The following RBFOX1 variants were observed in gnomAD, a reference collection of about 807,000 sequenced individuals.
RBFOX1 encodes the protein RNA binding fox-1 homolog 1.
RBFOX1 carries 8 observed loss-of-function variants against 57.7 expected under a neutral mutation model. The observed-to-expected ratio is 0.14, with a 90% CI of 0.08 to 0.25. RBFOX1 has a LOEUF of 0.25. Among genes scored for constraint, RBFOX1 ranks in the 10% least tolerant of loss-of-function variants. RBFOX1 has a pLI of 1.00. For synonymous variants in RBFOX1, 326 were observed against 222.4 expected, an observed-to-expected ratio of 1.47 and a Z score of -4.15; for missense variants, 611 against 548.5, an observed-to-expected ratio of 1.11 and a Z score of -1.14.
In RBFOX1 at chr16:6,866,787, C is replaced by G. The variant is rs542284543; in HGVS notation, c.-15-185270C>G. Among the ~76,000 whole-genome samples, 899 of 151,996 alleles carry G rather than the reference C, an allele frequency of 5.9e-3. 6 individuals carry two copies. Among genetic ancestry groups the G allele is most frequent in the Non-Finnish European group, 7.6e-3 (515 of 67,960 alleles). On this transcript the variant is annotated intron_variant, in intron 3 of 15. Transcript: ENST00000550418. ...TCGATCTCCTGACCTCGTGATCTGC[C>G]TGCCTTGGCCTCCCAAACTGCTGGG...
chr16:5,605,080 G>A (rs949607054), downstream of RBFOX1, among the ~76,000 whole-genome samples: 7 of 152,192 alleles, frequency 4.6e-5, 1 homozygote, highest in South Asian at 2.1e-4. Context: ...CAGGTTTGAC[G>A]CCAGTTTGAG....
intron 1 of RBFOX1, among the ~76,000 whole-genome samples, chr16:6,248,366 G>A (rs1567769311): frequency 6.6e-6 from 1 of 152,142 alleles, no homozygotes; most frequent in Non-Finnish European, 1.5e-5. Context: ...TTCACAGCCT[G>A]TCTCCCGGTG....
chr16:6,584,042 A>G (rs983774132), intron 2 of RBFOX1, among the ~76,000 whole-genome samples: 2 of 151,708 alleles, frequency 1.3e-5, no homozygotes, highest in Non-Finnish European at 2.9e-5. Context: ...ATTCCTTAGT[A>G]GAAGGTTCTT....
chr16:5,748,629 C>A (rs1304878494), intron 3 of RBFOX1, among the ~76,000 whole-genome samples: 1 of 152,132 alleles, frequency 6.6e-6, no homozygotes, highest in Non-Finnish European at 1.5e-5. Context: ...TATATAATGG[C>A]CTTCTTTGTC....
At chr16:5,439,645 T>C (rs895386519) in intron 1 of RBFOX1, among the ~76,000 whole-genome samples, 23 of 152,018 alleles carry the variant, frequency 1.5e-4, no homozygotes, top group Non-Finnish European at 1.5e-4. Flanking sequence ...TGTCCTTTAA[T>C]GAGATGAGAA....
At chr16:5,314,655 C>G (rs1016639590) in intron 1 of RBFOX1, among the ~76,000 whole-genome samples, 1 of 152,026 alleles carries the variant, frequency 6.6e-6, no homozygotes, top group Non-Finnish European at 1.5e-5. Context: ...CATGCACCAC[C>G]ATGCCCAGCT....
At chr16:5,464,630 AG>A (rs34030211) in intron 1 of RBFOX1, among the ~76,000 whole-genome samples, 96,439 of 152,036 alleles carry the variant, frequency 0.63, 30,699 homozygotes, top group East Asian at 0.68. Flanking sequence ...CCCAGACTGT[AG>A]GGCGCCACGA....
chr16:5,349,553 A>G (rs2065216353), intron 1 of RBFOX1, among the ~76,000 whole-genome samples: 1 of 152,068 alleles, frequency 6.6e-6, no homozygotes, highest in South Asian at 2.1e-4. Flanking sequence ...TGCATCTGTA[A>G]TCCCAGCTAC....
At chr16:6,839,505 A>G (rs1392686920) in intron 3 of RBFOX1, among the ~76,000 whole-genome samples, 2 of 152,228 alleles carry the variant, frequency 1.3e-5, no homozygotes, top group Admixed American at 6.5e-5. Context: ...TTATGGACAG[A>G]AAGGCCAAGT....
intron 2 of RBFOX1, among the ~76,000 whole-genome samples, chr16:5,583,994 C>A (rs184537557): frequency 6.6e-6 from 1 of 152,168 alleles, no homozygotes; most frequent in Non-Finnish European, 1.5e-5. Flanking sequence ...CTGGTTCCAC[C>A]GAGTCTGGGT....
At chr16:7,364,334 T>C (rs996332645) in intron 4 of RBFOX1, among the ~76,000 whole-genome samples, 2 of 152,106 alleles carry the variant, frequency 1.3e-5, no homozygotes, top group Non-Finnish European at 2.9e-5. Context: ...CTGGAATTAA[T>C]TGTAGGTTAT....
intron 4 of RBFOX1, among the ~76,000 whole-genome samples, chr16:7,230,785 T>C (rs575215732): frequency 1.3e-5 from 2 of 152,358 alleles, no homozygotes; most frequent in East Asian, 3.9e-4. Flanking sequence ...TCTTCGGACA[T>C]AAACTTTCCC....
At position 7,710,926 on chromosome 16, in the gene RBFOX1, T is replaced by C. The variant is rs2083915657; in HGVS notation, c.*181T>C. 1 of 727,362 alleles carries C rather than the reference T, an allele frequency of 1.4e-6. No homozygotes were observed. Among genetic ancestry groups the C allele is most frequent in the Non-Finnish European group, 1.9e-6 (1 of 513,756 alleles). 45.1% of individuals were successfully genotyped at this position (727,362 alleles called of 1,614,324 possible). ...CTCAGATATTTTGTTCTGTGTATTT[T>C]AATATTGTGGGTCTTTAATTTCTGA... is the stretch of plus-strand genomic sequence containing the variant. On this transcript the variant is annotated 3_prime_UTR_variant, in exon 16 of 16. Transcript: ENST00000550418.
At chr16:7,488,369 A>C (rs1045918025) in intron 4 of RBFOX1, among the ~76,000 whole-genome samples, 4 of 152,160 alleles carry the variant, frequency 2.6e-5, no homozygotes, top group African/African-American at 9.7e-5. Flanking sequence ...ATTTAGATAT[A>C]CAACTATGTA....
chr16:6,232,863 A>G (rs908478027), intron 1 of RBFOX1, among the ~76,000 whole-genome samples: 1 of 152,150 alleles, frequency 6.6e-6, no homozygotes, highest in African/African-American at 2.4e-5. Context: ...TAGTAGACTC[A>G]ACTTCTGCAC....
At chr16:6,846,954 C>A (rs2093789867) in intron 3 of RBFOX1, among the ~76,000 whole-genome samples, 1 of 151,888 alleles carries the variant, frequency 6.6e-6, no homozygotes, top group Non-Finnish European at 1.5e-5. Context: ...ACAGTTTTAC[C>A]ATGTCTTTGG....
At chr16:7,026,599 A>T (rs560665113) in intron 3 of RBFOX1, among the ~76,000 whole-genome samples, 3 of 151,992 alleles carry the variant, frequency 2.0e-5, no homozygotes, top group African/African-American at 7.2e-5. Flanking sequence ...GCGTTTCTGC[A>T]CAGAGGTGCA....
At chr16:7,090,874 C>G (rs1395766503) in intron 4 of RBFOX1, among the ~76,000 whole-genome samples, 1 of 84,596 alleles carries the variant, frequency 1.2e-5, no homozygotes, top group East Asian at 4.8e-4. Flanking sequence ...GTAAAACCCT[C>G]TTGACCAGCA....
intron 14 of RBFOX1, among the ~76,000 whole-genome samples, chr16:7,707,017 G>C (rs1290224817): frequency 1.3e-5 from 2 of 152,182 alleles, no homozygotes; most frequent in East Asian, 3.9e-4. Context: ...GGACTGAAGG[G>C]TGTCCCCAAA....
Sources: gnomAD v4.1 joint callset for allele counts (sites outside exome capture counted in the v4.1 genomes callset) on GRCh38, gnomAD v4.1.1 for gene constraint, MANE v1.5 for transcripts, NCBI Gene and HGNC (gene_info 2026-07-23, HGNC 2026-07-21) for gene names.